Variants in TRMT9B observed in about 807,000 individuals in gnomAD.
The protein encoded by TRMT9B is tRNA methyltransferase 9B (putative).
TRMT9B carries 16 observed loss-of-function variants against 11.5 expected under a neutral mutation model. The ratio of observed to expected loss-of-function variants is 1.39; its 90% confidence interval spans 0.94 to 2.11. The LOEUF (loss-of-function observed/expected upper bound fraction) is 2.11. Ranked by LOEUF, TRMT9B falls within the 30% of genes most tolerant of loss-of-function variation. The probability of loss-of-function intolerance (pLI) is 0.00; values close to 1 mark genes in which losing one functional copy is unlikely to be tolerated. For missense variants in TRMT9B, 941 were observed against 553.8 expected (o/e 1.70, Z -7.02); for synonymous variants, 274 against 192.4 (o/e 1.42, Z -3.51).
intron 3 of TRMT9B, among the ~76,000 whole-genome samples, chr8:13,008,052 A>C (rs569695933): frequency 6.6e-6 from 1 of 152,270 alleles, no homozygotes; most frequent in Non-Finnish European, 1.5e-5. Flanking sequence ...TTTTTAGGGG[A>C]AATGTTGGAT....
Position 13,021,213 on chromosome 8 carries a change from G to T in TRMT9B, c.534G>T (p.Lys178Asn), listed in dbSNP as rs1343313738. The T allele has an allele frequency of 6.2e-7, 1 of 1,613,784 alleles. No homozygotes were observed. The highest frequency in any genetic ancestry group is 8.5e-7 in the Non-Finnish European group (1 of 1,179,826). ...CAGAGTCCAGCCAGTCTGGGAGGAA[G>T]AGGCAGTGTGGATACCCAGAAAGAG... The part of the protein sequence containing the change: ...LFSESSQSGR[K>N]RQCGYPERGH... The change falls in exon 5 of 5, where the codon AAG becomes AAT. Residue 178 changes from lysine (K) to asparagine (N), a missense_variant. By Grantham distance (94) the Lys-to-Asn change is moderately conservative. Transcript: ENST00000524591.
chr8:12,948,666 G>GA (rs998706702), intron 1 of TRMT9B, among the ~76,000 whole-genome samples: 2 of 151,720 alleles, frequency 1.3e-5, no homozygotes, highest in Non-Finnish European at 2.9e-5. Context: ...TGTAACATTA[G>GA]AAAAAAACAG....
At chr8:12,979,872 C>T (rs992092232) in intron 1 of TRMT9B, among the ~76,000 whole-genome samples, 1 of 152,118 alleles carries the variant, frequency 6.6e-6, no homozygotes, top group South Asian at 2.1e-4. Context: ...AGGGACTGTA[C>T]AGAATCAAGA....
chr8:12,948,789 T>C (rs1311050599), intron 1 of TRMT9B, among the ~76,000 whole-genome samples: 2 of 151,924 alleles, frequency 1.3e-5, no homozygotes, highest in African/African-American at 2.4e-5. Flanking sequence ...TGAAACCTCA[T>C]CTCTACTAAA....
intron 1 of TRMT9B, among the ~76,000 whole-genome samples, chr8:12,974,541 A>G (rs749340834): frequency 3.9e-5 from 6 of 152,286 alleles, no homozygotes; most frequent in Non-Finnish European, 8.8e-5. Flanking sequence ...GTTTCCAGGG[A>G]TATGAAGTCA....
Position 12,988,839 on chromosome 8 carries a change from T to C in TRMT9B, c.-199-1995T>C, listed in dbSNP as rs548756939. Among the ~76,000 whole-genome samples the C allele has an allele frequency of 1.7e-4, 26 of 152,314 alleles. 1 individual carries two copies. The South Asian group carries it at 5.4e-3, about 32-fold the overall frequency. On this transcript the variant is annotated intron_variant, in intron 1 of 4. Coordinates refer to ENST00000524591, the MANE Select transcript of TRMT9B (RefSeq NM_020844.3). Reference sequence around the variant, plus strand: ...TATATCAAATAATCTTGATTCTTGGTATTAAATAAGGCAAGGCATGAGTTT... The same window carrying C: ...TATATCAAATAATCTTGATTCTTGGCATTAAATAAGGCAAGGCATGAGTTT...
intron 1 of TRMT9B, among the ~76,000 whole-genome samples, chr8:12,978,314 T>C (rs569756051): frequency 6.6e-6 from 1 of 152,312 alleles, no homozygotes; most frequent in East Asian, 1.9e-4. Context: ...CTATAAAATC[T>C]CCAGCAAGCC....
chr8:13,006,409 A>G, intron 3 of TRMT9B, 53 bp downstream of exon 3: 1 of 1,493,856 alleles, frequency 6.7e-7, no homozygotes. Flanking sequence ...CTCATCGCTG[A>G]CATAGGTAAC....
chr8:13,007,277 G>T (rs1165051851), intron 3 of TRMT9B: 1 of 152,148 alleles, frequency 6.6e-6, no homozygotes, highest in Non-Finnish European at 1.5e-5. Context: ...TAATTAGACA[G>T]TATTTTAATA....
chr8:12,989,337 C>A (rs543606906), intron 1 of TRMT9B, among the ~76,000 whole-genome samples: 4 of 152,124 alleles, frequency 2.6e-5, no homozygotes, highest in Admixed American at 1.3e-4. Flanking sequence ...CTATCTTTGC[C>A]CAGTAACTTC....
intron 1 of TRMT9B, among the ~76,000 whole-genome samples, chr8:12,967,959 G>A (rs549388640): frequency 5.9e-5 from 9 of 152,284 alleles, no homozygotes; most frequent in African/African-American, 1.9e-4. Flanking sequence ...GCAGTGGCAC[G>A]ATCTTGGCTC....
intron 1 of TRMT9B, among the ~76,000 whole-genome samples, chr8:12,982,567 T>C (rs1450974307): frequency 6.6e-6 from 1 of 151,612 alleles, no homozygotes; most frequent in African/African-American, 2.4e-5. Context: ...GAGGCTGAGA[T>C]GGGAACATCA....
At chr8:12,990,804 G>C (rs1296471007) in intron 1 of TRMT9B, 30 bp from the exon 2 acceptor site, 1 of 1,272,988 alleles carries the variant, frequency 7.9e-7, no homozygotes. Context: ...CATGTGAAAT[G>C]ACATTTAGTA....
chr8:13,019,600 A>T (rs1813425174), intron 4 of TRMT9B, among the ~76,000 whole-genome samples: 1 of 152,158 alleles, frequency 6.6e-6, no homozygotes, highest in African/African-American at 2.4e-5. Flanking sequence ...AGCACGGGAG[A>T]TATTAATGGC....
At position 13,021,049 on chromosome 8, in the gene TRMT9B, A is replaced by G. The variant is rs754974151; in HGVS notation, c.370A>G (p.Ile124Val). The G allele has an allele frequency of 1.3e-6, 2 of 1,579,862 alleles. No homozygotes were observed. Among genetic ancestry groups the G allele is most frequent in the Non-Finnish European group, 8.6e-7 (1 of 1,164,642 alleles). ...TACAAAACAAAGAAGAATCAGAGCA[A>G]TAAAAGAAATGGCCAGGGTCTTAGT... is the stretch of plus-strand genomic sequence containing the variant. ...FSTKQRRIRA[I>V]KEMARVLVPG... The change falls in exon 5 of 5, where the codon ATA (isoleucine) becomes GTA (valine). Residue 124 changes from isoleucine (I) to valine (V), a missense_variant. By Grantham distance (29) the Ile-to-Val change is conservative. Transcript: ENST00000524591.
rs1814652840 is a variant in TRMT9B at position 13,026,072 on chromosome 8, TG to T, written c.*4033del. 6.0e-6 allele frequency: 1 copy of T among 166,978 alleles called. No individual in the cohort carries two copies. The highest frequency in any genetic ancestry group is 2.4e-5 in the African/African-American group (1 of 41,408). 10.3% of individuals were successfully genotyped at this position (166,978 alleles called of 1,614,324 possible). On this transcript the variant is annotated 3_prime_UTR_variant, in exon 5 of 5. Coordinates refer to ENST00000524591, the MANE Select transcript of TRMT9B (RefSeq NM_020844.3). ...GTTCTAACTCAGTACTTGAACTTGG[TG>T]GGGGAGGGCACAGGTTAAATATGAG... is the stretch of plus-strand genomic sequence containing the variant.
chr8:12,973,186 A>G (rs1357947473), intron 1 of TRMT9B, among the ~76,000 whole-genome samples: 1 of 152,208 alleles, frequency 6.6e-6, no homozygotes, highest in East Asian at 1.9e-4. Context: ...TTAAGGCTGA[A>G]TAATATGAAA....
chr8:12,998,772 G>C (rs1231225841), intron 2 of TRMT9B, among the ~76,000 whole-genome samples: 6 of 152,190 alleles, frequency 3.9e-5, no homozygotes, highest in Admixed American at 3.9e-4. Context: ...CCTTTTCCCT[G>C]GAAGCCTTTT....
In TRMT9B at chr8:13,012,771, G is replaced by T; in HGVS notation, c.242G>T (p.Arg81Leu). ...TGTGGGCCACTGGTAGAGATTGCCCGGAATAGAGGATGTGAAGCCATGGTA... is the reference window on the plus strand; with the variant it reads ...TGTGGGCCACTGGTAGAGATTGCCCTGAATAGAGGATGTGAAGCCATGGTA... ...DYCGPLVEIA[R>L]NRGCEAMVCD... Residue 81 changes from arginine (R) to leucine (L), a missense_variant, in exon 4 of 5, where the codon CGG becomes CTG. By Grantham distance (102) the Arg-to-Leu change is moderately radical. Transcript: ENST00000524591. 1 of 1,613,898 alleles carries T rather than the reference G, an allele frequency of 6.2e-7. No homozygotes were observed. The highest frequency in any genetic ancestry group is 8.5e-7 in the Non-Finnish European group (1 of 1,179,880).
Sources: allele counts gnomAD v4.1 joint callset (sites outside exome capture counted in the v4.1 genomes callset), GRCh38; gene constraint gnomAD v4.1.1; transcripts MANE v1.5; gene names NCBI Gene and HGNC (gene_info 2026-07-23, HGNC 2026-07-21).